ZC3H15: variants seen among roughly 807,000 people sequenced by gnomAD.
The protein encoded by ZC3H15 is zinc finger CCCH-type containing 15.
A neutral mutation model predicts 51.2 loss-of-function variants in ZC3H15; 15 were observed. The observed-to-expected ratio is 0.29, with a 90% CI of 0.20 to 0.45. ZC3H15 has a LOEUF of 0.45. Ranked by LOEUF, ZC3H15 falls within the 20% of genes least tolerant of loss-of-function variation. The pLI, the probability that ZC3H15 is intolerant of heterozygous loss-of-function variation, is 1.00. For missense variants in ZC3H15, 381 were observed against 494.7 expected, an observed-to-expected ratio of 0.77 and a Z score of 2.18; for synonymous variants, 144 against 162.8, an observed-to-expected ratio of 0.88 and a Z score of 0.88.
intron 1 of ZC3H15, among the ~76,000 whole-genome samples, chr2:186,493,747 GGC>G (rs1685235619): frequency 6.6e-6 from 1 of 151,634 alleles, no homozygotes; most frequent in Admixed American, 6.6e-5. Context: ...AGTTTCTGGT[GGC>G]ATCTGTCAAT....
intron 1 of ZC3H15, among the ~76,000 whole-genome samples, chr2:186,490,341 A>G (rs987408862): frequency 2.0e-5 from 3 of 152,196 alleles, no homozygotes; most frequent in African/African-American, 4.8e-5. Flanking sequence ...GACTTAGGGC[A>G]AGCAAATAAA....
Position 186,509,206 on chromosome 2 carries a change from T to C in ZC3H15, c.*473T>C, listed in dbSNP as rs1471205199. 2 of 281,884 alleles carry C rather than the reference T, an allele frequency of 7.1e-6. No homozygotes were observed. The highest frequency in any genetic ancestry group is 1.4e-5 in the Non-Finnish European group (2 of 143,830). 17.5% of individuals were successfully genotyped at this position (281,884 alleles called of 1,614,324 possible). A position where few individuals can be genotyped will look rare whatever the true frequency, so the allele number is the denominator to read the frequency against. On this transcript the variant is annotated 3_prime_UTR_variant, in exon 10 of 10. Transcript: ENST00000337859. Reference sequence around the variant, plus strand: ...GAAACTGCGTATGCAGATTCAGTATTGTGTATCTTTGGACAATTAGATGGA... The same window carrying C: ...GAAACTGCGTATGCAGATTCAGTATCGTGTATCTTTGGACAATTAGATGGA...
chr2:186,502,466 A>T, intron 4 of ZC3H15, 30 bp from the exon 5 acceptor site: 1 of 1,550,248 alleles, frequency 6.5e-7, no homozygotes, highest in Non-Finnish European at 8.8e-7. Context: ...AGATAAGATT[A>T]CAGTATTTAA....
intron 2 of ZC3H15, among the ~76,000 whole-genome samples, chr2:186,496,418 G>A (rs905198019): frequency 2.6e-5 from 4 of 152,052 alleles, no homozygotes; most frequent in Admixed American, 6.6e-5. Context: ...GGATTTCGCC[G>A]TGTCACCCAG....
intron 1 of ZC3H15, among the ~76,000 whole-genome samples, chr2:186,492,746 C>T (rs1685220474): frequency 6.6e-6 from 1 of 152,048 alleles, no homozygotes; most frequent in Admixed American, 6.6e-5. Context: ...AGCTTGTCCA[C>T]GTGGTGGTAT....
chr2:186,505,299 G>T, intron 6 of ZC3H15, 152 bp from the exon 7 acceptor site: 1 of 878,950 alleles, frequency 1.1e-6, no homozygotes, highest in East Asian at 3.3e-5. Flanking sequence ...TCATTGCCAC[G>T]TAAAGTAAAA....
At position 186,498,994 on chromosome 2, in the gene ZC3H15, C is replaced by T. The variant is rs531886303; in HGVS notation, c.178-1188C>T. Among the ~76,000 whole-genome samples the T allele has an allele frequency of 1.6e-4, 24 of 152,298 alleles. No individual in the cohort carries two copies. In the South Asian group the frequency reaches 5.0e-3, roughly 32 times the overall value. On this transcript the variant is annotated intron_variant, in intron 2 of 9. Coordinates refer to ENST00000337859, the MANE Select transcript of ZC3H15 (RefSeq NM_018471.3). ...TGCACTCTGTATGTCTAAAACTAAG[C>T]TCATCTTCACCTCTTACCCTGAAAC...
intron 1 of ZC3H15, among the ~76,000 whole-genome samples, chr2:186,494,841 T>G (rs1380875611): frequency 6.6e-6 from 1 of 151,952 alleles, no homozygotes; most frequent in Non-Finnish European, 1.5e-5. Context: ...AGGGGAGGGA[T>G]AGCATTAGGA....
At chr2:186,491,354 T>C (rs1249141172) in intron 1 of ZC3H15, among the ~76,000 whole-genome samples, 3 of 152,164 alleles carry the variant, frequency 2.0e-5, no homozygotes, top group African/African-American at 7.2e-5. Flanking sequence ...AAGTGATAAA[T>C]ATACTAGCTC....
intron 6 of ZC3H15, 41 bp from the exon 7 acceptor site, chr2:186,505,410 G>C: frequency 6.6e-7 from 1 of 1,509,492 alleles, no homozygotes; most frequent in East Asian, 2.3e-5. Context: ...ACTATTTGAG[G>C]TGACTTCTGT....
In ZC3H15 at chr2:186,506,833, G is replaced by C. The variant is rs1334257584; in HGVS notation, c.1087G>C (p.Asp363His). The change falls in exon 9 of 10, where the codon GAT (aspartate) becomes CAT (histidine). Residue 363 changes from aspartate (D) to histidine (H), a missense_variant. Transcript: ENST00000337859. Reference sequence around the variant, plus strand: ...ATTCAGCACATATACTTCAGATAAAGATGGTAAGTATGCTAACTTTTGCCT... The same window carrying C: ...ATTCAGCACATATACTTCAGATAAACATGGTAAGTATGCTAACTTTTGCCT... ...ERFSTYTSDK[D>H]ENKLSEASGG... The C allele has an allele frequency of 1.9e-6, 3 of 1,609,828 alleles. No homozygotes were observed. The highest frequency in any genetic ancestry group is 2.5e-6 in the Non-Finnish European group (3 of 1,178,804).
chr2:186,497,390 C>T (rs967747218), intron 2 of ZC3H15, among the ~76,000 whole-genome samples: 1 of 152,030 alleles, frequency 6.6e-6, no homozygotes, highest in Non-Finnish European at 1.5e-5. Context: ...CTTAATAGCC[C>T]GGTTTAATAA....
At chr2:186,488,298 A>G (rs1420230052) in intron 1 of ZC3H15, among the ~76,000 whole-genome samples, 1 of 152,202 alleles carries the variant, frequency 6.6e-6, no homozygotes, top group Admixed American at 6.5e-5. Context: ...AAACATTTCT[A>G]TCACCCCACT....
chr2:186,488,730 T>A (rs1302557328), intron 1 of ZC3H15: 1 of 152,162 alleles, frequency 6.6e-6, no homozygotes, highest in East Asian at 1.9e-4. Context: ...ACCTTAACCT[T>A]GGGGCATACG....
Position 186,500,275 on chromosome 2 carries a change from G to C in ZC3H15, c.271G>C (p.Ala91Pro). ...TGAGCTGTTCAAACCTGTAGTTGCTGCTCAAAAAATAAGTAAAGGTAAACT... is the reference window on the plus strand; with the variant it reads ...TGAGCTGTTCAAACCTGTAGTTGCTCCTCAAAAAATAAGTAAAGGTAAACT... ...LNELFKPVVAAQKISKGADPK... is the reference protein window; with the variant it reads ...LNELFKPVVAPQKISKGADPK... The change falls in exon 3 of 10, where the codon GCT becomes CCT. Residue 91 changes from alanine (A) to proline (P), a missense_variant. By Grantham distance (27) the Ala-to-Pro change is conservative. Around this residue, in one of 3 missense-constraint regions of ZC3H15, gnomAD observed 125 missense variants for 166.3 expected, o/e 0.75. Transcript: ENST00000337859. 6.2e-7 allele frequency: 1 copy of C among 1,606,110 alleles called. No homozygotes were observed. Among genetic ancestry groups the C allele is most frequent in the East Asian group, 2.2e-5 (1 of 44,776 alleles).
intron 8 of ZC3H15, among the ~76,000 whole-genome samples, chr2:186,506,354 G>A (rs560514371): frequency 2.0e-5 from 3 of 152,258 alleles, no homozygotes; most frequent in Non-Finnish European, 2.9e-5. Flanking sequence ...GAAAAAAATT[G>A]TACTCTATAT....
chr2:186,489,921 A>T (rs1685166488), intron 1 of ZC3H15, among the ~76,000 whole-genome samples: 1 of 152,204 alleles, frequency 6.6e-6, no homozygotes, highest in African/African-American at 2.4e-5. Flanking sequence ...GTTAAATGAG[A>T]TAATACATGT....
chr2:186,505,490 G>A lies in ZC3H15; in HGVS notation c.757G>A (p.Glu253Lys). The A allele has an allele frequency of 1.9e-6, 3 of 1,587,798 alleles. No individual in the cohort carries two copies. The highest frequency in any genetic ancestry group is 2.6e-6 in the Non-Finnish European group (3 of 1,171,276). The change falls in exon 7 of 10, where the codon GAA (glutamate) becomes AAA (lysine). Residue 253 changes from glutamate (E) to lysine (K), a missense_variant. Physicochemically the swap from Glu to Lys is moderately conservative, Grantham distance 56 (BLOSUM62 1). This residue lies in a region of ZC3H15 where 215 missense variants were observed against 241.8 expected (regional missense o/e 0.89). Coordinates refer to ENST00000337859, the MANE Select transcript of ZC3H15 (RefSeq NM_018471.3). ...TCCAAATGTTACCAAAATCACTCTAGAATCTTTTCTTGCCTGGAAGAAAAG... is the reference window on the plus strand; with the variant it reads ...TCCAAATGTTACCAAAATCACTCTAAAATCTTTTCTTGCCTGGAAGAAAAG... ...LGPNVTKITL[E>K]SFLAWKKRKR... is the part of the protein sequence containing the mutation.
At position 186,508,584 on chromosome 2, in the gene ZC3H15, G is replaced by T; in HGVS notation, c.1132G>T (p.Gly378Cys). 5 of 1,614,012 alleles carry T rather than the reference G, an allele frequency of 3.1e-6. No individual in the cohort carries two copies. Among genetic ancestry groups the T allele is most frequent in the Non-Finnish European group, 4.2e-6 (5 of 1,179,968 alleles). Residue 378 changes from glycine (G) to cysteine (C), a missense_variant, in exon 10 of 10, where the codon GGT (glycine) becomes TGT (cysteine). Coordinates refer to ENST00000337859, the MANE Select transcript of ZC3H15 (RefSeq NM_018471.3). ...SEASGGRAENGERSDLEEDNE... is the reference protein window; with the variant it reads ...SEASGGRAENCERSDLEEDNE... ...AGCTTCTGGAGGTAGGGCTGAAAAT[G>T]GTGAAAGAAGTGACTTGGAAGAGGA...
Sources: allele counts gnomAD v4.1 joint callset (sites outside exome capture counted in the v4.1 genomes callset), GRCh38; gene constraint gnomAD v4.1.1; regional missense constraint gnomAD v4.1.1; transcripts MANE v1.5; gene names NCBI Gene and HGNC (gene_info 2026-07-23, HGNC 2026-07-21).